CPNE4: variants seen among roughly 807,000 people sequenced by gnomAD.
CPNE4 encodes copine-4.
A neutral mutation model predicts 67.9 loss-of-function variants in CPNE4; 25 were observed. The ratio of observed to expected loss-of-function variants is 0.37; its 90% CI spans 0.27 to 0.51. The LOEUF is 0.51. Among genes scored for constraint, CPNE4 ranks in the 20% least tolerant of loss-of-function variants. The pLI is 0.93. For missense variants in CPNE4, 464 were observed against 690.8 expected (o/e 0.67, Z 3.68); for synonymous variants, 242 against 244.9 (o/e 0.99, Z 0.11).
intron 2 of CPNE4, among the ~76,000 whole-genome samples, chr3:131,775,488 A>G (rs1053320006): frequency 3.3e-5 from 5 of 152,098 alleles, no homozygotes; most frequent in Admixed American, 6.6e-5. Flanking sequence ...ACAATTCCCA[A>G]TTCCCATGTG....
intron 6 of CPNE4, among the ~76,000 whole-genome samples, chr3:131,672,776 A>G (rs1382891077): frequency 6.6e-6 from 1 of 151,702 alleles, no homozygotes; most frequent in Admixed American, 6.6e-5. Context: ...ATTTTCTCTC[A>G]TTCTGTGGGT....
At chr3:131,751,605 C>T (rs1283761212) in intron 2 of CPNE4, among the ~76,000 whole-genome samples, 1 of 152,062 alleles carries the variant, frequency 6.6e-6, no homozygotes, top group African/African-American at 2.4e-5. Flanking sequence ...AAATATTTCT[C>T]AGATAATTTT....
At chr3:131,912,519 G>A (rs1028849270) in intron 1 of CPNE4, among the ~76,000 whole-genome samples, 6 of 152,200 alleles carry the variant, frequency 3.9e-5, no homozygotes, top group South Asian at 4.1e-4. Flanking sequence ...TTCAAGAAAC[G>A]TGTATAAGGG....
chr3:131,586,039 A>G (rs908018605), intron 8 of CPNE4, among the ~76,000 whole-genome samples: 1 of 151,942 alleles, frequency 6.6e-6, no homozygotes, highest in Admixed American at 6.5e-5. Context: ...TCTGACTCTA[A>G]AAAAATGTTA....
At chr3:131,748,123 C>T (rs2082537461) in intron 2 of CPNE4, among the ~76,000 whole-genome samples, 1 of 151,932 alleles carries the variant, frequency 6.6e-6, no homozygotes, top group Non-Finnish European at 1.5e-5. Context: ...CTTTTGTAGC[C>T]TGTTAATATT....
chr3:131,829,016 GC>G, intron 2 of CPNE4, among the ~76,000 whole-genome samples: 1 of 152,184 alleles, frequency 6.6e-6, no homozygotes, highest in South Asian at 2.1e-4. Flanking sequence ...AGCAGGGGAG[GC>G]CGCACAATCG....
intron 9 of CPNE4, among the ~76,000 whole-genome samples, chr3:131,580,218 T>C (rs763918597): frequency 6.6e-6 from 1 of 152,148 alleles, no homozygotes; most frequent in Non-Finnish European, 1.5e-5. Flanking sequence ...CAATAAGGTA[T>C]TTTTAAATTA....
rs557934663 is a variant in CPNE4 at position 131,776,494 on chromosome 3, T to C, written c.181-52869A>G. ...TCTTTGTTGAACATTCACCTTGGCA[T>C]CCTGTCACCACCCACAAGGGATAAG... On this transcript the variant is annotated intron_variant, in intron 2 of 15. Coordinates refer to ENST00000429747, the MANE Select transcript of CPNE4 (RefSeq NM_130808.3). Among the ~76,000 whole-genome samples the C allele has an allele frequency of 2.6e-5, 4 of 152,234 alleles. No homozygotes were observed. The South Asian group carries it at 8.3e-4, about 32-fold the overall frequency.
chr3:131,655,491 G>A (rs928621705), intron 7 of CPNE4, among the ~76,000 whole-genome samples: 2 of 152,204 alleles, frequency 1.3e-5, no homozygotes, highest in African/African-American at 2.4e-5. Flanking sequence ...CAGGGCAGAT[G>A]AGCTAGAGGT....
intron 15 of CPNE4, among the ~76,000 whole-genome samples, chr3:131,540,922 G>A (rs918372192): frequency 6.6e-6 from 1 of 152,140 alleles, no homozygotes; most frequent in Non-Finnish European, 1.5e-5. Flanking sequence ...AGCATGGAAA[G>A]GAGAGGATTC....
chr3:131,538,391 A>G (rs1394020038), intron 15 of CPNE4, among the ~76,000 whole-genome samples: 1 of 152,210 alleles, frequency 6.6e-6, no homozygotes, highest in African/African-American at 2.4e-5. Flanking sequence ...ATCCCCTTGC[A>G]TATCTGTGCT....
At chr3:131,682,908 G>A (rs1193973480) in intron 6 of CPNE4, among the ~76,000 whole-genome samples, 1 of 151,932 alleles carries the variant, frequency 6.6e-6, no homozygotes, top group Admixed American at 6.6e-5. Context: ...CCTCTCCCTT[G>A]GCCACCACCA....
intron 1 of CPNE4, among the ~76,000 whole-genome samples, chr3:131,937,455 T>C (rs900477008): frequency 2.6e-5 from 4 of 152,222 alleles, no homozygotes; most frequent in African/African-American, 9.6e-5. Context: ...CACTGACTAA[T>C]ATTTTTGAAC....
At chr3:131,750,704 GA>G (rs945085491) in intron 2 of CPNE4, among the ~76,000 whole-genome samples, 1 of 152,066 alleles carries the variant, frequency 6.6e-6, no homozygotes, top group Non-Finnish European at 1.5e-5. Context: ...TTCAGGAGGA[GA>G]AAAAATGCCT....
chr3:131,807,892 A>G (rs1275790669), intron 2 of CPNE4, among the ~76,000 whole-genome samples: 1 of 152,196 alleles, frequency 6.6e-6, no homozygotes, highest in African/African-American at 2.4e-5. Flanking sequence ...CCTGGTACAT[A>G]ATAGAAGATA....
chr3:132,038,403 G>A (rs1213882450), upstream of CPNE4, among the ~76,000 whole-genome samples: 3 of 145,972 alleles, frequency 2.1e-5, no homozygotes, highest in East Asian at 2.0e-4. Flanking sequence ...CCTGTGCTAC[G>A]AAAGGGCAGT....
intron 2 of CPNE4, among the ~76,000 whole-genome samples, chr3:131,876,378 C>T (rs1205370467): frequency 6.6e-6 from 1 of 151,838 alleles, no homozygotes; most frequent in Non-Finnish European, 1.5e-5. Context: ...CGTGGTGGCT[C>T]ACGCCTGTAA....
intron 2 of CPNE4, among the ~76,000 whole-genome samples, chr3:131,838,792 A>G (rs1055421202): frequency 6.6e-6 from 1 of 151,756 alleles, no homozygotes; most frequent in African/African-American, 2.4e-5. Context: ...AGTAAATTCT[A>G]GTTACTATAT....
At chr3:132,037,424 C>T (rs1560827221), upstream of CPNE4, 1 of 693,636 alleles carries the variant, frequency 1.4e-6, no homozygotes, top group East Asian at 2.7e-5. Context: ...ATCAACAGCT[C>T]ATCTGTACAA....
Sources: gnomAD v4.1 joint callset for allele counts (sites outside exome capture counted in the v4.1 genomes callset) on GRCh38, gnomAD v4.1.1 for gene constraint, MANE v1.5 for transcripts, NCBI Gene and HGNC (gene_info 2026-07-23, HGNC 2026-07-21) for gene names.